FAM20B: variants seen among roughly 807,000 people sequenced by gnomAD.
The protein encoded by FAM20B is glycosaminoglycan xylosylkinase.
Under a neutral mutation model 43.8 loss-of-function variants are expected in FAM20B, and 23 were observed. That is an observed-to-expected ratio of 0.53 (90% CI 0.38 to 0.74). FAM20B has a LOEUF of 0.74. FAM20B is among the 30% of genes least tolerant of loss of function. The pLI, the probability that FAM20B is intolerant of heterozygous loss-of-function variation, is 0.00. For synonymous variants in FAM20B, 178 were observed against 192.4 expected, an observed-to-expected ratio of 0.93 and a Z score of 0.62; for missense variants, 440 against 510.5, an observed-to-expected ratio of 0.86 and a Z score of 1.33.
At chr1:179,020,189 ACACACACT>A in the FAM20B span, among the ~76,000 whole-genome samples, 1 of 139,894 alleles carries the variant, frequency 7.1e-6, no homozygotes, top group African/African-American at 2.7e-5. Flanking sequence ...ACACACACAC[ACACACACT>A]TAAATGTAAA....
rs1002787984 is a variant in FAM20B, at chr1:179,044,035, C to G, written c.188C>G (p.Pro63Arg). ...AAGCTGGACCATACCTTGCAGTCTC[C>G]CTGGGAGATTGCAGCCCAGTGGGTG... ...APKLDHTLQSPWEIAAQWVVP... is the reference protein window; with the variant it reads ...APKLDHTLQSRWEIAAQWVVP... Residue 63 changes from proline to arginine, a missense_variant, in exon 2 of 8, where the codon CCC becomes CGC. By Grantham distance (103) the Pro-to-Arg change is moderately radical. Transcript: ENST00000263733. The G allele has an allele frequency of 2.7e-5, 44 of 1,614,002 alleles. No homozygotes were observed. In the Admixed American group the frequency reaches 5.5e-4, roughly 20 times the overall value.
Position 179,054,577 on chromosome 1 carries a change from T to C in FAM20B, c.513T>C (p.Asn171=), listed in dbSNP as rs145367987. Residue 171 remains asparagine, a synonymous_variant, in exon 4 of 8, where the codon AAT becomes AAC. Transcript: ENST00000263733. ...RAPLVVGRFV[N]LRTEIKPVAT... ...CCTTGGTAGTTGGCAGATTTGTTAA[T>C]CTTCGGACAGAGATCAAACCTGTCG... is the stretch of plus-strand genomic sequence containing the variant. 27 of 1,613,338 alleles carry C rather than the reference T, an allele frequency of 1.7e-5. No homozygotes were observed. Among genetic ancestry groups the C allele is most frequent in the Non-Finnish European group, 2.2e-5 (26 of 1,179,504 alleles).
chr1:179,043,589 T>C (rs1650633941), intron 1 of FAM20B, 126 bp from the exon 2 acceptor site: 2 of 379,192 alleles, frequency 5.3e-6, no homozygotes, highest in East Asian at 8.7e-5. Context: ...TTTAAATTAT[T>C]GAACCTTCTT....
chr1:179,033,208 G>C (rs987065493), intron 1 of FAM20B, among the ~76,000 whole-genome samples: 1 of 152,216 alleles, frequency 6.6e-6, no homozygotes, highest in Non-Finnish European at 1.5e-5. Flanking sequence ...GTGTCAGTGT[G>C]TGAATGTGTG....
intron 1 of FAM20B, among the ~76,000 whole-genome samples, chr1:179,036,996 A>G (rs141868024): frequency 6.6e-6 from 1 of 152,316 alleles, no homozygotes; most frequent in East Asian, 1.9e-4. Flanking sequence ...CTACACATCA[A>G]GAGGAGGACC....
chr1:179,070,131 C>T (rs1187117360), intron 7 of FAM20B, among the ~76,000 whole-genome samples: 3 of 151,940 alleles, frequency 2.0e-5, no homozygotes, highest in African/African-American at 7.3e-5. Flanking sequence ...CTGCAACCTC[C>T]GCCTCCCAGG....
At chr1:179,021,176 C>T (rs1649600368), upstream of FAM20B, among the ~76,000 whole-genome samples, 1 of 152,342 alleles carries the variant, frequency 6.6e-6, no homozygotes, top group Admixed American at 6.5e-5. Context: ...GAACTCCTTA[C>T]CACATTATCC....
chr1:179,023,039 G>A (rs1649633026), upstream of FAM20B, among the ~76,000 whole-genome samples: 1 of 152,214 alleles, frequency 6.6e-6, no homozygotes, highest in Non-Finnish European at 1.5e-5. Flanking sequence ...TAGGTTGGAG[G>A]ATAAGGAATT....
At chr1:179,028,158 C>G (rs1021372476) in intron 1 of FAM20B, among the ~76,000 whole-genome samples, 7 of 152,190 alleles carry the variant, frequency 4.6e-5, no homozygotes, top group Non-Finnish European at 8.8e-5. Context: ...GTGTAAAACC[C>G]TAAAGCCAGA....
Position 179,064,368 on chromosome 1 carries a change from G to A in FAM20B, c.810G>A (p.Pro270=), listed in dbSNP as rs150381478. The stretch of plus-strand genomic sequence containing the variant: ...AAACGTCCCCTTATGACTCTGGCCC[G>A]CGCCTCTTGGACATCATTGACACAG... ...VKKTSPYDSG[P]RLLDIIDTAV... Residue 270 remains proline, a synonymous_variant, in exon 6 of 8, where the codon CCG becomes CCA. Coordinates refer to ENST00000263733, the MANE Select transcript of FAM20B (RefSeq NM_014864.4). 72 of 1,613,960 alleles carry A rather than the reference G, an allele frequency of 4.5e-5. No homozygotes were observed. The highest frequency in any genetic ancestry group is 3.3e-4 in the Middle Eastern group (2 of 6,082).
rs772828060 is a variant in FAM20B at position 179,064,601 on chromosome 1, A to G, written c.938+105A>G. On this transcript the variant is annotated intron_variant, in intron 6 of 7. Transcript: ENST00000263733. Reference sequence around the variant, plus strand: ...ATATCCAGAATGCAATTGATAGGCAACATCCTTCTTTTTTCCACTTGGAGT... The same window carrying G: ...ATATCCAGAATGCAATTGATAGGCAGCATCCTTCTTTTTTCCACTTGGAGT... The G allele has an allele frequency of 2.4e-5, 21 of 861,934 alleles. 1 individual carries two copies. Among genetic ancestry groups the G allele is most frequent in the Middle Eastern group, 5.0e-4 (2 of 4,040 alleles). The allele number at this position is 861,934 out of a possible 1,614,324, so 53.4% of individuals were successfully genotyped here.
chr1:179,056,228 A>G (rs932366338), intron 4 of FAM20B, among the ~76,000 whole-genome samples: 1 of 152,170 alleles, frequency 6.6e-6, no homozygotes, highest in Admixed American at 6.5e-5. Context: ...ACATGTATAC[A>G]TCATTATAGT....
intron 6 of FAM20B, 22 bp downstream of exon 6, chr1:179,064,518 T>C (rs781710935): frequency 1.3e-6 from 2 of 1,583,866 alleles, no homozygotes; most frequent in South Asian, 2.2e-5. Flanking sequence ...AGGACTGTCC[T>C]TGTCAGGGAG....
At chr1:179,034,006 A>G (rs139291445) in intron 1 of FAM20B, among the ~76,000 whole-genome samples, 1 of 152,188 alleles carries the variant, frequency 6.6e-6, no homozygotes, top group East Asian at 1.9e-4. Context: ...ATTTCTTATA[A>G]TTATATAGGT....
At chr1:179,032,823 T>G (rs1207839724) in intron 1 of FAM20B, among the ~76,000 whole-genome samples, 1 of 152,186 alleles carries the variant, frequency 6.6e-6, no homozygotes, top group African/African-American at 2.4e-5. Context: ...GTGGGCTGGT[T>G]TTCCCAGGGT....
chr1:179,045,444 C>T (rs894664022), intron 2 of FAM20B, among the ~76,000 whole-genome samples: 1 of 152,120 alleles, frequency 6.6e-6, no homozygotes, highest in Admixed American at 6.5e-5. Flanking sequence ...GGACAAAATT[C>T]AACTCCCTTT....
intron 1 of FAM20B, among the ~76,000 whole-genome samples, chr1:179,039,878 G>A (rs1056235183): frequency 6.6e-6 from 1 of 152,050 alleles, no homozygotes; most frequent in African/African-American, 2.4e-5. Context: ...AGGACCCTGC[G>A]GCCTTCCGCA....
intron 1 of FAM20B, among the ~76,000 whole-genome samples, chr1:179,027,553 G>GAATC (rs1408070772): frequency 6.6e-6 from 1 of 152,226 alleles, no homozygotes; most frequent in Admixed American, 6.5e-5. Context: ...CCGTACAATG[G>GAATC]AATCAGTCAG....
intron 1 of FAM20B, chr1:179,035,609 T>C (rs1650193450): frequency 2.0e-6 from 1 of 499,862 alleles, no homozygotes; most frequent in Admixed American, 2.7e-5. Flanking sequence ...CACGTAACTG[T>C]GGCCCTTTTT....
Sources: allele counts gnomAD v4.1 joint callset (sites outside exome capture counted in the v4.1 genomes callset), GRCh38; gene constraint gnomAD v4.1.1; transcripts MANE v1.5; gene names NCBI Gene and HGNC (gene_info 2026-07-23, HGNC 2026-07-21).